The following ARB2A variants were observed in gnomAD, a reference collection of about 807,000 sequenced individuals.
The protein encoded by ARB2A is cotranscriptional regulator ARB2A.
At chr5:93,862,169 T>G in the ARB2A span, 1 of 152,226 alleles carries the variant, frequency 6.6e-6, no homozygotes, top group African/African-American at 2.4e-5. Context: ...AATAGAAAAT[T>G]CATTCAAATT....
chr5:93,736,776 T>C, the ARB2A span: 3 of 152,126 alleles, frequency 2.0e-5, no homozygotes, highest in Non-Finnish European at 4.4e-5. Context: ...ATATAAAACA[T>C]TCAATAACCT....
the ARB2A span, among the ~76,000 whole-genome samples, chr5:93,850,262 G>A: frequency 4.6e-5 from 7 of 152,242 alleles, no homozygotes; most frequent in African/African-American, 1.7e-4. Context: ...CTGGAAAACT[G>A]ATATTCAATT....
At chr5:93,638,669 A>C in the ARB2A span, among the ~76,000 whole-genome samples, 1 of 152,016 alleles carries the variant, frequency 6.6e-6, no homozygotes, top group Non-Finnish European at 1.5e-5. Context: ...AAAATACAAA[A>C]AAAAAAAAAA....
chr5:94,077,263 C>T, the ARB2A span, among the ~76,000 whole-genome samples: 29 of 151,770 alleles, frequency 1.9e-4, no homozygotes, highest in Non-Finnish European at 3.5e-4. Flanking sequence ...GTCCCACCTA[C>T]TCGGGAGGCT....
At chr5:93,708,727 C>A in the ARB2A span, among the ~76,000 whole-genome samples, 19 of 152,176 alleles carry the variant, frequency 1.2e-4, no homozygotes, top group African/African-American at 3.9e-4. Flanking sequence ...GGTTGGGGAA[C>A]CTCGCTCTGC....
At chr5:93,999,631 G>A in the ARB2A span, among the ~76,000 whole-genome samples, 11 of 151,872 alleles carry the variant, frequency 7.2e-5, no homozygotes, top group Non-Finnish European at 1.5e-4. Flanking sequence ...CTCCTCCAGA[G>A]TGATACATTG....
the ARB2A span, among the ~76,000 whole-genome samples, chr5:93,997,151 C>T: frequency 6.6e-6 from 1 of 151,950 alleles, no homozygotes; most frequent in Non-Finnish European, 1.5e-5. Context: ...CTTTTATTTC[C>T]AGTTATCAAT....
chr5:94,055,702 T>A, the ARB2A span: 1 of 985,308 alleles, frequency 1.0e-6, no homozygotes, highest in African/African-American at 1.7e-5. Context: ...AGGGTTTTAA[T>A]ATCAAAAATT....
chr5:94,062,477 G>A, the ARB2A span, among the ~76,000 whole-genome samples: 1 of 152,080 alleles, frequency 6.6e-6, no homozygotes, highest in Non-Finnish European at 1.5e-5. Context: ...AGATCAGCTG[G>A]GAGCCTGGAG....
chr5:93,980,851 T>A, the ARB2A span, among the ~76,000 whole-genome samples: 5 of 152,148 alleles, frequency 3.3e-5, no homozygotes, highest in Non-Finnish European at 7.3e-5. Flanking sequence ...TTTAAATATT[T>A]ATTTTAAGGT....
At chr5:93,816,141 G>A in the ARB2A span, among the ~76,000 whole-genome samples, 2 of 152,086 alleles carry the variant, frequency 1.3e-5, no homozygotes, top group Non-Finnish European at 2.9e-5. Flanking sequence ...CTTTGATTGT[G>A]AATTCTTTTT....
At chr5:94,091,780 T>A in the ARB2A span, among the ~76,000 whole-genome samples, 5 of 152,248 alleles carry the variant, frequency 3.3e-5, no homozygotes, top group East Asian at 9.6e-4. Flanking sequence ...TTTGGGGGTC[T>A]CCAATTTGTA....
At chr5:93,699,132 G>C in the ARB2A span, among the ~76,000 whole-genome samples, 2 of 152,198 alleles carry the variant, frequency 1.3e-5, no homozygotes, top group East Asian at 1.9e-4. Context: ...TACAGAGAGA[G>C]TGGCAACTTG....
the ARB2A span, among the ~76,000 whole-genome samples, chr5:93,831,512 C>T: frequency 6.6e-6 from 1 of 152,074 alleles, no homozygotes; most frequent in Non-Finnish European, 1.5e-5. Context: ...TGGGATGAGA[C>T]AGGCAATGCA....
chr5:93,985,617 G>A, the ARB2A span, among the ~76,000 whole-genome samples: 3 of 152,182 alleles, frequency 2.0e-5, no homozygotes, highest in African/African-American at 7.2e-5. Flanking sequence ...TGGAGACGGG[G>A]TTTCGCCCTG....
chr5:93,655,687 T>C, the ARB2A span, among the ~76,000 whole-genome samples: 2 of 152,188 alleles, frequency 1.3e-5, no homozygotes, highest in Non-Finnish European at 2.9e-5. Flanking sequence ...TGATGTTATA[T>C]TACTCTGCAG....
At chr5:93,824,083 A>G in the ARB2A span, 1 of 1,356,760 alleles carries the variant, frequency 7.4e-7, no homozygotes, top group South Asian at 2.1e-5. Context: ...ATACCAACAG[A>G]AAGAAAGGAG....
the ARB2A span, among the ~76,000 whole-genome samples, chr5:93,741,981 T>G: frequency 6.6e-6 from 1 of 152,134 alleles, no homozygotes; most frequent in Admixed American, 6.5e-5. Context: ...ATGCCAGATA[T>G]TGCTGGGACG....
the ARB2A span, among the ~76,000 whole-genome samples, chr5:93,730,777 A>G: frequency 6.6e-6 from 1 of 152,180 alleles, no homozygotes; most frequent in Non-Finnish European, 1.5e-5. Flanking sequence ...TTTAAGAATC[A>G]TATCTCTATC....
Sources: gnomAD v4.1 joint callset for allele counts (sites outside exome capture counted in the v4.1 genomes callset) on GRCh38, gnomAD v4.1.1 for gene constraint, MANE v1.5 for transcripts, NCBI Gene and HGNC (gene_info 2026-07-23, HGNC 2026-07-21) for gene names.